MAST4: variants seen among roughly 807,000 people sequenced by gnomAD.
The protein encoded by MAST4 is microtubule-associated serine/threonine-protein kinase 4.
Under a neutral mutation model 162.7 loss-of-function variants are expected in MAST4, and 89 were observed. The ratio of observed to expected loss-of-function variants is 0.55; its 90% CI spans 0.46 to 0.65. MAST4 has a LOEUF of 0.65. Ranked by LOEUF, MAST4 falls within the 30% of genes least tolerant of loss-of-function variation. MAST4 has a pLI of 0.00. For synonymous variants in MAST4, 1,479 were observed against 1,361.1 expected (o/e 1.09, Z -1.91); for missense variants, 3,153 against 3,374.0 (o/e 0.93, Z 1.62).
chr5:67,139,397 A>C (rs896530970), intron 19 of MAST4, among the ~76,000 whole-genome samples: 2 of 152,246 alleles, frequency 1.3e-5, no homozygotes, highest in Non-Finnish European at 2.9e-5. Flanking sequence ...GTGTCAAAGC[A>C]TAACTTGCAA....
intron 1 of MAST4, among the ~76,000 whole-genome samples, chr5:66,643,807 A>G (rs1367525077): frequency 1.3e-5 from 2 of 151,738 alleles, no homozygotes; most frequent in East Asian, 1.9e-4. Context: ...ATCCATTTGC[A>G]TTCCTAAATT....
At chr5:66,709,759 T>A (rs1467651983) in intron 1 of MAST4, among the ~76,000 whole-genome samples, 4 of 152,210 alleles carry the variant, frequency 2.6e-5, no homozygotes, top group Non-Finnish European at 5.9e-5. Context: ...TTATAAAAAA[T>A]AATCACCAGA....
At chr5:66,645,288 CTCTG>C (rs1745755613) in intron 1 of MAST4, among the ~76,000 whole-genome samples, 2 of 152,178 alleles carry the variant, frequency 1.3e-5, no homozygotes. Flanking sequence ...GTTTCTGTTA[CTCTG>C]TCTGTTGTTT....
At chr5:66,867,583 CTTCTT>C (rs770425893) in intron 3 of MAST4, among the ~76,000 whole-genome samples, 34 of 152,340 alleles carry the variant, frequency 2.2e-4, no homozygotes, top group South Asian at 1.0e-3. Context: ...CATGTCAACT[CTTCTT>C]TTGTTAGTCT....
chr5:66,917,684 C>T (rs1377486673), intron 4 of MAST4, among the ~76,000 whole-genome samples: 1 of 150,440 alleles, frequency 6.6e-6, no homozygotes, highest in African/African-American at 2.5e-5. Context: ...AAATGTTGTC[C>T]TTGTCACATA....
chr5:66,848,582 C>T (rs148961512), intron 3 of MAST4, among the ~76,000 whole-genome samples: 40 of 152,216 alleles, frequency 2.6e-4, no homozygotes, highest in African/African-American at 9.4e-4. Context: ...CTGCAAAAAG[C>T]TTTATATTGT....
chr5:67,028,935 C>A (rs571228878), intron 4 of MAST4, among the ~76,000 whole-genome samples: 1 of 152,088 alleles, frequency 6.6e-6, no homozygotes, highest in East Asian at 1.9e-4. Context: ...TCAAGACCAG[C>A]CTGGGCAACA....
chr5:66,931,473 G>A (rs1742182465), intron 4 of MAST4, among the ~76,000 whole-genome samples: 1 of 152,104 alleles, frequency 6.6e-6, no homozygotes, highest in African/African-American at 2.4e-5. Context: ...CTGGGAGGGA[G>A]AGATGTTGCA....
intron 4 of MAST4, among the ~76,000 whole-genome samples, chr5:66,964,589 C>T (rs1484259953): frequency 6.6e-6 from 1 of 152,266 alleles, no homozygotes; most frequent in East Asian, 1.9e-4. Flanking sequence ...ATCACGAAGT[C>T]AGGAGATTGA....
At chr5:66,788,607 C>CCCAGCCCA in intron 2 of MAST4, 63 bp from the exon 3 acceptor site, 2 of 1,373,728 alleles carry the variant, frequency 1.5e-6, no homozygotes, top group East Asian at 2.7e-5. Context: ...CCCCCACCCC[C>CCCAGCCCA]ATTGCAATAA....
At chr5:66,895,585 C>T (rs1044862640) in intron 3 of MAST4, among the ~76,000 whole-genome samples, 5 of 152,246 alleles carry the variant, frequency 3.3e-5, no homozygotes, top group East Asian at 1.9e-4. Flanking sequence ...TTCTCTTTCA[C>T]GCTCCACATC....
At chr5:66,847,616 C>G (rs552706849) in intron 3 of MAST4, among the ~76,000 whole-genome samples, 1 of 151,520 alleles carries the variant, frequency 6.6e-6, no homozygotes, top group Non-Finnish European at 1.5e-5. Context: ...GCCTGGGTGA[C>G]AGAGCGAGAC....
chr5:66,865,741 A>G (rs1246228927), intron 3 of MAST4, among the ~76,000 whole-genome samples: 1 of 152,166 alleles, frequency 6.6e-6, no homozygotes, highest in African/African-American at 2.4e-5. Context: ...TACAAGTCAC[A>G]TCATCAATTC....
intron 5 of MAST4, among the ~76,000 whole-genome samples, chr5:67,062,164 G>A (rs1442565616): frequency 6.6e-6 from 1 of 152,224 alleles, no homozygotes; most frequent in Admixed American, 6.5e-5. Context: ...CACTTTGGGA[G>A]GCTGAGGTGG....
At chr5:66,786,023 C>T (rs921333350) in intron 2 of MAST4, among the ~76,000 whole-genome samples, 15 of 152,164 alleles carry the variant, frequency 9.9e-5, no homozygotes, top group African/African-American at 3.4e-4. Context: ...TGTGTGCTAC[C>T]ACACCTGGCT....
intron 1 of MAST4, among the ~76,000 whole-genome samples, chr5:66,674,164 T>C (rs925358376): frequency 2.6e-5 from 4 of 152,218 alleles, no homozygotes; most frequent in Non-Finnish European, 4.4e-5. Context: ...CCTTGGAATT[T>C]TGAGAATATA....
chr5:67,149,623 T>A lies in MAST4; in HGVS notation c.3295+34T>A, dbSNP rs1422524431. 3.8e-6 allele frequency: 6 copies of A among 1,599,192 alleles called. No homozygotes were observed. In the South Asian group the frequency reaches 6.7e-5, roughly 18 times the overall value. On this transcript the variant is annotated intron_variant, in intron 24 of 28. Transcript: ENST00000403625. ...ATACTACTTGCATGAAATTGTGTGATTTGTGCATGTGGTCCCATCCCTCCT... is the reference window on the plus strand; with the variant it reads ...ATACTACTTGCATGAAATTGTGTGAATTGTGCATGTGGTCCCATCCCTCCT...
intron 3 of MAST4, among the ~76,000 whole-genome samples, chr5:66,879,544 C>T (rs1436246149): frequency 6.6e-6 from 1 of 152,152 alleles, no homozygotes; most frequent in Non-Finnish European, 1.5e-5. Flanking sequence ...GTCTCACTCT[C>T]TCACCAAGCC....
chr5:66,776,145 G>A (rs956889565), intron 2 of MAST4, among the ~76,000 whole-genome samples: 10 of 152,180 alleles, frequency 6.6e-5, no homozygotes, highest in African/African-American at 2.4e-4. Flanking sequence ...TTCTGCATAG[G>A]TTGTGATATG....
Sources: allele counts gnomAD v4.1 joint callset (sites outside exome capture counted in the v4.1 genomes callset), GRCh38; gene constraint gnomAD v4.1.1; transcripts MANE v1.5; gene names NCBI Gene and HGNC (gene_info 2026-07-23, HGNC 2026-07-21).